The following TLCD3B variants were observed in gnomAD, a reference collection of about 807,000 sequenced individuals.
TLCD3B encodes ceramide synthase.
In TLCD3B, 9 loss-of-function variants were observed where a neutral mutation model predicts 23.0. That is an observed-to-expected ratio of 0.39 (90% CI 0.24 to 0.68). The LOEUF is 0.68. Among genes scored for constraint, TLCD3B ranks in the 30% least tolerant of loss-of-function variants. TLCD3B has a pLI of 0.44. For missense variants in TLCD3B, 307 were observed against 371.8 expected, an observed-to-expected ratio of 0.83 and a Z score of 1.43; for synonymous variants, 161 against 161.0, an observed-to-expected ratio of 1.00 and a Z score of 0.00.
At chr16:30,038,938 G>A (rs2150991637) in intron 3 of TLCD3B, among the ~76,000 whole-genome samples, 1 of 151,846 alleles carries the variant, frequency 6.6e-6, no homozygotes, top group Admixed American at 6.6e-5. Context: ...CATATTTTCT[G>A]AATTTATTTG....
At position 30,029,944 on chromosome 16, in the gene TLCD3B, A is replaced by C. The variant is rs1181679959; in HGVS notation, c.126-429T>G. 1.9e-6 allele frequency: 2 copies of C among 1,039,526 alleles called. No homozygotes were observed. The highest frequency in any genetic ancestry group is 2.7e-6 in the Non-Finnish European group (2 of 747,104). The allele number at this position is 1,039,526 out of a possible 1,614,324, so 64.4% of individuals were successfully genotyped here. A position where few individuals can be genotyped will look rare whatever the true frequency, so the allele number is the denominator to read the frequency against. On this transcript the variant is annotated intron_variant, in intron 1 of 4. Transcript: ENST00000380495. This position sits in a 1 kb window ranked among gnomAD's most constrained non-coding sequence, Gnocchi z 4.6. Reference sequence around the variant, plus strand: ...GACCCTTTGTGACCCCGAGTTCCCCAGTCACTTTCCCACTGTCTCCTGACT... The same window carrying C: ...GACCCTTTGTGACCCCGAGTTCCCCCGTCACTTTCCCACTGTCTCCTGACT...
intron 1 of TLCD3B, chr16:30,030,138 T>A: frequency 6.8e-7 from 1 of 1,478,764 alleles, no homozygotes; most frequent in South Asian, 1.2e-5. Flanking sequence ...ATGCTGGCCC[T>A]GTTTTGGAGG....
At chr16:30,039,110 T>C (rs1407003899) in intron 3 of TLCD3B, among the ~76,000 whole-genome samples, 1 of 135,782 alleles carries the variant, frequency 7.4e-6, no homozygotes, top group African/African-American at 2.8e-5. Flanking sequence ...TCTCTTTTTT[T>C]TTTTTTTTTT....
Position 30,030,479 on chromosome 16 carries a change from G to C in TLCD3B, c.49C>G (p.Leu17Val). The C allele has an allele frequency of 6.2e-7, 1 of 1,607,150 alleles. No homozygotes were observed. The highest frequency in any genetic ancestry group is 1.3e-5 in the African/African-American group (1 of 74,624). Residue 17 changes from leucine to valine, a missense_variant, in exon 1 of 5, where the codon CTC becomes GTC. By Grantham distance (32) the Leu-to-Val change is conservative. Transcript: ENST00000380495. The stretch of plus-strand genomic sequence containing the variant: ...CGCTGGAGCGTGTTCTTGGAGAGGA[G>C]GAAGAGTCCGGGGAACACCACCCCC... ...AGGVVFPGLF[L>V]LSKNTLQRLP... is the part of the protein sequence containing the mutation.
In TLCD3B at chr16:30,025,524, C is replaced by T; in HGVS notation, c.541-57G>A. 1 of 1,596,288 alleles carries T rather than the reference C, an allele frequency of 6.3e-7. No homozygotes were observed. Among genetic ancestry groups the T allele is most frequent in the Non-Finnish European group, 8.5e-7 (1 of 1,169,654 alleles). On this transcript the variant is annotated intron_variant, in intron 4 of 4. Coordinates refer to ENST00000380495, the MANE Select transcript of TLCD3B (RefSeq NM_031478.6). This position sits in a 1 kb window ranked among gnomAD's most constrained non-coding sequence, Gnocchi z 4.1. ...GCAGAAGGGCTCGGCCCCCCTTGGC[C>T]CTCTCCCTGCCTCCCTGCGACCCTA...
chr16:30,052,353 C>T (rs921397237), intron 1 of TLCD3B, among the ~76,000 whole-genome samples: 5 of 150,662 alleles, frequency 3.3e-5, no homozygotes, highest in Non-Finnish European at 5.9e-5. Context: ...GGGAGATGAG[C>T]GAAAATCTGT....
In TLCD3B at chr16:30,043,276, A is replaced by G. The variant is rs185255737; in HGVS notation, c.-228-2120T>C. Among the ~76,000 whole-genome samples the G allele has an allele frequency of 8.7e-4, 132 of 151,990 alleles. 1 individual carries two copies. Among genetic ancestry groups the G allele is most frequent in the Admixed American group, 6.1e-3 (93 of 15,242 alleles). ...TCTCTCATTTTGTCTCCCTTGATGA[A>G]GTACACTGGTACGATTAGCTCACTG... is the stretch of plus-strand genomic sequence containing the variant. On this transcript the variant is annotated intron_variant, in intron 2 of 6. Coordinates refer to the TLCD3B transcript ENST00000561666.
chr16:30,035,561 A>AC, upstream of TLCD3B: 2 of 1,240,836 alleles, frequency 1.6e-6, no homozygotes, highest in African/African-American at 1.5e-5. Context: ...AGCCTTCTTC[A>AC]CCCCCAATGA....
At chr16:30,028,269 G>A (rs2071234118) in intron 2 of TLCD3B, among the ~76,000 whole-genome samples, 1 of 152,162 alleles carries the variant, frequency 6.6e-6, no homozygotes, top group South Asian at 2.1e-4. Flanking sequence ...CCACCCTCTT[G>A]GCAATTAGGT....
chr16:30,048,281 T>C (rs1260485776), intron 1 of TLCD3B, among the ~76,000 whole-genome samples: 1 of 151,928 alleles, frequency 6.6e-6, no homozygotes, highest in Non-Finnish European at 1.5e-5. Flanking sequence ...GTCTAATTTT[T>C]CTTTTTTTTT....
At chr16:30,036,229 G>A, upstream of TLCD3B, 1 of 1,289,114 alleles carries the variant, frequency 7.8e-7, no homozygotes, top group Non-Finnish European at 1.0e-6. Flanking sequence ...GAAAAAGGAA[G>A]GGAGGGGGTT....
chr16:30,043,965 G>A (rs1007745375), intron 2 of TLCD3B, among the ~76,000 whole-genome samples: 1 of 151,114 alleles, frequency 6.6e-6, no homozygotes, highest in Non-Finnish European at 1.5e-5. Context: ...AAAGTGCTGG[G>A]ATTATAGGTG....
upstream of TLCD3B, among the ~76,000 whole-genome samples, chr16:30,032,369 C>G (rs566470689): frequency 6.6e-4 from 100 of 152,288 alleles, no homozygotes; most frequent in Middle Eastern, 3.4e-3. Context: ...CTCGCCTCCC[C>G]CAAAGAAAGG....
chr16:30,035,398 G>A, upstream of TLCD3B: 1 of 1,289,648 alleles, frequency 7.8e-7, no homozygotes, highest in Non-Finnish European at 1.0e-6. Flanking sequence ...GCAGGTTGGT[G>A]TGGTTCTGCA....
chr16:30,045,738 T>G (rs2071663937), intron 2 of TLCD3B, among the ~76,000 whole-genome samples: 1 of 146,628 alleles, frequency 6.8e-6, no homozygotes, highest in South Asian at 2.1e-4. Context: ...GGTGTGTGTT[T>G]GTGTGTGTGT....
chr16:30,046,167 G>A (rs1766283110), intron 2 of TLCD3B, among the ~76,000 whole-genome samples: 1 of 152,016 alleles, frequency 6.6e-6, no homozygotes, highest in Non-Finnish European at 1.5e-5. Context: ...CACGTGTGGA[G>A]GGGCAGTGCA....
chr16:30,027,351 C>T (rs1455942193), intron 2 of TLCD3B, among the ~76,000 whole-genome samples: 1 of 152,202 alleles, frequency 6.6e-6, no homozygotes, highest in African/African-American at 2.4e-5. Flanking sequence ...TCCCAAAACC[C>T]TGTAAAAGGT....
intron 1 of TLCD3B, among the ~76,000 whole-genome samples, chr16:30,051,372 A>G (rs968568484): frequency 1.3e-5 from 2 of 151,994 alleles, no homozygotes; most frequent in African/African-American, 4.8e-5. Context: ...CGTCTCTACT[A>G]AAAATACAAA....
rs565985117 is a variant in TLCD3B, at chr16:30,049,506, G to A, written c.-293-3119C>T. On this transcript the variant is annotated intron_variant, in intron 1 of 6. Transcript: ENST00000561666. Reference sequence around the variant, plus strand: ...GTCTGCCCTTTCCTAGGGGAAGTGCGGAACTACATATGATACATCTGACAT... The same window carrying A: ...GTCTGCCCTTTCCTAGGGGAAGTGCAGAACTACATATGATACATCTGACAT... 2.6e-5 allele frequency among the ~76,000 whole-genome samples: 4 copies of A among 152,270 alleles called. No homozygotes were observed. The South Asian group carries it at 6.2e-4, about 24-fold the overall frequency.
Sources: gnomAD v4.1 joint callset for allele counts (sites outside exome capture counted in the v4.1 genomes callset) on GRCh38, gnomAD v4.1.1 for gene constraint, Gnocchi (gnomAD v3.1) non-coding constraint, MANE v1.5 for transcripts, NCBI Gene and HGNC (gene_info 2026-07-23, HGNC 2026-07-21) for gene names.